The following ADAMTS17 variants were observed in gnomAD, a reference collection of about 807,000 sequenced individuals.
ADAMTS17 encodes the protein A disintegrin and metalloproteinase with thrombospondin motifs 17.
A neutral mutation model predicts 141.5 loss-of-function variants in ADAMTS17; 113 were observed. The observed-to-expected ratio is 0.80, with a 90% CI of 0.69 to 0.93. ADAMTS17 has a LOEUF of 0.93. ADAMTS17 is among the 40% of genes least tolerant of loss of function. ADAMTS17 has a pLI of 0.00. For missense variants in ADAMTS17, 1,659 were observed against 1,517.9 expected (o/e 1.09, Z -1.54); for synonymous variants, 768 against 630.6 (o/e 1.22, Z -3.27).
chr15:100,172,160 G>GCATT (rs2040184580), intron 8 of ADAMTS17, among the ~76,000 whole-genome samples: 1 of 152,182 alleles, frequency 6.6e-6, no homozygotes, highest in Non-Finnish European at 1.5e-5. Context: ...TTTCCGCAAA[G>GCATT]CATTGGTTCC....
intron 15 of ADAMTS17, among the ~76,000 whole-genome samples, chr15:100,070,010 A>G (rs560299981): frequency 1.3e-5 from 2 of 150,422 alleles, no homozygotes; most frequent in Non-Finnish European, 3.0e-5. Flanking sequence ...TCTCATGTGC[A>G]GAGACACACA....
Position 99,973,982 on chromosome 15 carries a change from C to A in ADAMTS17, c.*420G>T. On this transcript the variant is annotated 3_prime_UTR_variant, in exon 22 of 22. Coordinates refer to ENST00000268070, the MANE Select transcript of ADAMTS17 (RefSeq NM_139057.4). ...CCTGCCCCTCCCTCCATGGTGTCGCCGGCTTTCAGAATAAAGCCTTTTCTA... is the reference window on the plus strand; with the variant it reads ...CCTGCCCCTCCCTCCATGGTGTCGCAGGCTTTCAGAATAAAGCCTTTTCTA... The A allele has an allele frequency of 1.7e-5, 3 of 177,986 alleles. No homozygotes were observed. The highest frequency in any genetic ancestry group is 1.2e-4 in the South Asian group (3 of 24,722). 11.0% of individuals were successfully genotyped at this position (177,986 alleles called of 1,614,324 possible).
intron 13 of ADAMTS17, among the ~76,000 whole-genome samples, chr15:100,112,091 G>A (rs986706569): frequency 2.0e-5 from 3 of 152,246 alleles, no homozygotes; most frequent in Admixed American, 2.0e-4. Context: ...AAAAGCAGAG[G>A]CTGTTTTGAG....
intron 11 of ADAMTS17, 81 bp downstream of exon 11, chr15:100,133,133 C>T: frequency 1.5e-6 from 2 of 1,346,626 alleles, no homozygotes; most frequent in Non-Finnish European, 1.0e-6. Flanking sequence ...AAGTAGAGTA[C>T]AGATTGTGTG....
Position 99,973,916 on chromosome 15 carries a change from C to T in ADAMTS17, c.*486G>A, listed in dbSNP as rs117381111. 13,924 of 236,058 alleles carry T rather than the reference C, an allele frequency of 0.059. 487 individuals are homozygous for T. Among genetic ancestry groups the T allele is most frequent in the Admixed American group, 0.12 (2,291 of 19,246 alleles). The allele number at this position is 236,058 out of a possible 1,614,324, so 14.6% of individuals were successfully genotyped here. On this transcript the variant is annotated 3_prime_UTR_variant, in exon 22 of 22. Coordinates refer to ENST00000268070, the MANE Select transcript of ADAMTS17 (RefSeq NM_139057.4). ...GGAGAGAAACGTGTGCTAAGCAGCC[C>T]GGCCCTCCCCAGAGAAGCCACGGGC...
rs1275739563 is a variant in ADAMTS17 at position 100,024,209 on chromosome 15, C to T, written c.2591+24648G>A. Among the ~76,000 whole-genome samples the T allele has an allele frequency of 3.3e-5, 5 of 152,136 alleles. No individual in the cohort carries two copies. The East Asian group carries it at 5.8e-4, about 18-fold the overall frequency. On this transcript the variant is annotated intron_variant, in intron 18 of 21. Transcript: ENST00000268070. ...CTGGGCTCAAGCAATTCTCCTGCGT[C>T]GGCCTCCCGAATAGCTGGGACTACA...
At chr15:100,035,327 G>A (rs374205691) in intron 18 of ADAMTS17, among the ~76,000 whole-genome samples, 1 of 152,180 alleles carries the variant, frequency 6.6e-6, no homozygotes, top group African/African-American at 2.4e-5. Context: ...TGATCATAAG[G>A]GATGTGCTCA....
intron 7 of ADAMTS17, among the ~76,000 whole-genome samples, chr15:100,206,706 G>C (rs1023535951): frequency 2.0e-5 from 3 of 152,152 alleles, no homozygotes; most frequent in African/African-American, 7.2e-5. Flanking sequence ...TGGGGAACGG[G>C]ACAACTAAGT....
intron 18 of ADAMTS17, among the ~76,000 whole-genome samples, chr15:100,019,124 C>T (rs2061350252): frequency 6.6e-6 from 1 of 152,114 alleles, no homozygotes; most frequent in African/African-American, 2.4e-5. Context: ...AAACGAATGC[C>T]AAAGAGCTAC....
intron 18 of ADAMTS17, among the ~76,000 whole-genome samples, chr15:100,045,524 T>C (rs937403255): frequency 6.6e-6 from 1 of 152,234 alleles, no homozygotes; most frequent in Non-Finnish European, 1.5e-5. Context: ...CTTCTAGCTT[T>C]AGCTGTGCTA....
chr15:100,309,967 C>G (rs1008594103), intron 3 of ADAMTS17, among the ~76,000 whole-genome samples: 22 of 152,234 alleles, frequency 1.4e-4, no homozygotes, highest in African/African-American at 4.8e-4. Context: ...AGATTTGAGG[C>G]AGATCACCTG....
At chr15:100,057,986 G>A (rs2032736979) in intron 15 of ADAMTS17, among the ~76,000 whole-genome samples, 1 of 152,006 alleles carries the variant, frequency 6.6e-6, no homozygotes, top group Non-Finnish European at 1.5e-5. Flanking sequence ...CACGATGAGG[G>A]CAGAACAGGC....
intron 18 of ADAMTS17, among the ~76,000 whole-genome samples, chr15:100,017,381 G>C (rs756843507): frequency 6.6e-6 from 1 of 152,210 alleles, no homozygotes; most frequent in Non-Finnish European, 1.5e-5. Flanking sequence ...TTCTGGCCAG[G>C]AGGCTTCTTG....
intron 12 of ADAMTS17, among the ~76,000 whole-genome samples, chr15:100,124,485 A>T (rs537960333): frequency 1.3e-5 from 2 of 152,362 alleles, no homozygotes; most frequent in East Asian, 3.9e-4. Flanking sequence ...CACCGGTGTC[A>T]GTGAGGACAT....
At chr15:100,125,501 T>C (rs1284944863) in intron 12 of ADAMTS17, among the ~76,000 whole-genome samples, 1 of 152,138 alleles carries the variant, frequency 6.6e-6, no homozygotes, top group Non-Finnish European at 1.5e-5. Flanking sequence ...ATGATGACCC[T>C]GCTGTGTCCC....
chr15:100,108,837 A>G (rs2036566168), intron 14 of ADAMTS17, 152 bp downstream of exon 14: 7 of 1,343,406 alleles, frequency 5.2e-6, no homozygotes, highest in African/African-American at 1.4e-5. Flanking sequence ...ACCAGGCAAC[A>G]CTGGCGGCAG....
At chr15:99,995,314 G>T (rs1479611059) in intron 19 of ADAMTS17, among the ~76,000 whole-genome samples, 1 of 152,232 alleles carries the variant, frequency 6.6e-6, no homozygotes, top group Non-Finnish European at 1.5e-5. Context: ...GTTCACTCTT[G>T]CCTGGCCTCT....
At chr15:100,090,570 C>T (rs2035393395) in intron 15 of ADAMTS17, among the ~76,000 whole-genome samples, 1 of 152,108 alleles carries the variant, frequency 6.6e-6, no homozygotes, top group South Asian at 2.1e-4. Context: ...TTCTCATGTG[C>T]CCCTGGTGGA....
chr15:100,083,321 T>C (rs575981836), intron 15 of ADAMTS17, among the ~76,000 whole-genome samples: 10 of 152,306 alleles, frequency 6.6e-5, no homozygotes, highest in African/African-American at 2.4e-4. Flanking sequence ...AAGCAGACTT[T>C]TGTGTTAAGC....
Sources: gnomAD v4.1 joint callset for allele counts (sites outside exome capture counted in the v4.1 genomes callset) on GRCh38, gnomAD v4.1.1 for gene constraint, MANE v1.5 for transcripts, NCBI Gene and HGNC (gene_info 2026-07-23, HGNC 2026-07-21) for gene names.